Variants in RBKS observed in about 807,000 individuals in gnomAD.
RBKS encodes the protein ribokinase.
RBKS carries 33 observed loss-of-function variants against 33.9 expected under a neutral mutation model. The observed-to-expected ratio is 0.97, with a 90% CI of 0.74 to 1.30. The LOEUF (loss-of-function observed/expected upper bound fraction) is 1.30. Ranked by LOEUF, RBKS falls within the 50% of genes most tolerant of loss-of-function variation. RBKS has a pLI of 0.00. For missense variants in RBKS, 361 were observed against 392.6 expected, an observed-to-expected ratio of 0.92 and a Z score of 0.68; for synonymous variants, 125 against 143.0, an observed-to-expected ratio of 0.87 and a Z score of 0.90.
At chr2:27,863,826 A>C (rs913191163) in intron 1 of RBKS, among the ~76,000 whole-genome samples, 1 of 152,228 alleles carries the variant, frequency 6.6e-6, no homozygotes, top group African/African-American at 2.4e-5. Flanking sequence ...CAGCATTTGT[A>C]TATGCCACAT....
intron 2 of RBKS, 55 bp downstream of exon 2, chr2:27,858,384 G>A: frequency 6.5e-7 from 1 of 1,527,680 alleles, no homozygotes; most frequent in South Asian, 1.3e-5. Flanking sequence ...ATGAACTCCA[G>A]TCTTAAAACC....
At chr2:27,834,895 A>G (rs576969428) in intron 5 of RBKS, among the ~76,000 whole-genome samples, 1 of 152,360 alleles carries the variant, frequency 6.6e-6, no homozygotes, top group Admixed American at 6.5e-5. Flanking sequence ...ATAAGCATGC[A>G]AAGATGATAT....
At chr2:27,781,991 ATAT>A (rs1199221250) in intron 7 of RBKS, among the ~76,000 whole-genome samples, 1 of 152,200 alleles carries the variant, frequency 6.6e-6, no homozygotes, top group Non-Finnish European at 1.5e-5. Context: ...AAGAAATAAT[ATAT>A]TATTAAGTGA....
intron 2 of RBKS, among the ~76,000 whole-genome samples, chr2:27,849,257 T>A (rs1020821975): frequency 1.3e-5 from 2 of 151,994 alleles, no homozygotes; most frequent in Non-Finnish European, 1.5e-5. Flanking sequence ...TTGTCTGTTA[T>A]TAACAAAGTC....
At chr2:27,840,364 G>GCACACACA (rs70953891) in intron 5 of RBKS, among the ~76,000 whole-genome samples, 13 of 130,152 alleles carry the variant, frequency 1.0e-4, no homozygotes, top group East Asian at 2.3e-4. Context: ...ACGCGCGCGC[G>GCACACACA]CACACACACA....
At chr2:27,856,477 C>T (rs4233719) in intron 2 of RBKS, among the ~76,000 whole-genome samples, 1 of 151,992 alleles carries the variant, frequency 6.6e-6, no homozygotes, top group Non-Finnish European at 1.5e-5. Flanking sequence ...TCATTTCCCA[C>T]GTTCAGTTCC....
At chr2:27,886,478 A>G (rs1463879731) in intron 1 of RBKS, among the ~76,000 whole-genome samples, 2 of 152,222 alleles carry the variant, frequency 1.3e-5, no homozygotes, top group Non-Finnish European at 2.9e-5. Context: ...ATCAGTTTAT[A>G]AAGTTAACAA....
intron 1 of RBKS, among the ~76,000 whole-genome samples, chr2:27,874,271 A>ACT (rs1167656153): frequency 6.6e-6 from 1 of 152,242 alleles, no homozygotes; most frequent in African/African-American, 2.4e-5. Context: ...TTTTTATGAT[A>ACT]CTCAGTCCAT....
At chr2:27,812,897 A>C (rs1324942748) in intron 7 of RBKS, among the ~76,000 whole-genome samples, 1 of 152,170 alleles carries the variant, frequency 6.6e-6, no homozygotes, top group Admixed American at 6.6e-5. Context: ...CTTAGAAAAA[A>C]AAAAGGGTTA....
At chr2:27,859,329 T>C (rs1400153610) in intron 1 of RBKS, among the ~76,000 whole-genome samples, 3 of 152,236 alleles carry the variant, frequency 2.0e-5, no homozygotes, top group African/African-American at 7.2e-5. Context: ...CCAGATTTAA[T>C]AATTTAATAC....
At chr2:27,840,327 T>TACACACACAC (rs544313433) in intron 5 of RBKS, among the ~76,000 whole-genome samples, 2,999 of 117,814 alleles carry the variant, frequency 0.025, 100 homozygotes, top group African/African-American at 0.059. Context: ...GATGATGCAT[T>TACACACACAC]ACACACACAC....
At chr2:27,865,904 AC>A (rs1330326639) in intron 1 of RBKS, among the ~76,000 whole-genome samples, 2 of 152,162 alleles carry the variant, frequency 1.3e-5, no homozygotes, top group Non-Finnish European at 2.9e-5. Flanking sequence ...CATGATGTAA[AC>A]GTCACAATAC....
chr2:27,783,950 A>T (rs1573028698), intron 7 of RBKS, among the ~76,000 whole-genome samples: 2 of 125,400 alleles, frequency 1.6e-5, no homozygotes, highest in Non-Finnish European at 1.7e-5. Flanking sequence ...CCATTCTTGT[A>T]TTCAACAGCT....
intron 7 of RBKS, among the ~76,000 whole-genome samples, chr2:27,816,363 T>C (rs1245149833): frequency 6.6e-6 from 1 of 152,254 alleles, no homozygotes; most frequent in Non-Finnish European, 1.5e-5. Context: ...GCAATTACCT[T>C]GTCCTCTGTC....
At chr2:27,882,233 AC>A (rs751782769) in intron 1 of RBKS, among the ~76,000 whole-genome samples, 6 of 152,226 alleles carry the variant, frequency 3.9e-5, no homozygotes, top group East Asian at 1.9e-4. Context: ...AGAAAAAAAA[AC>A]AACCCCATTA....
chr2:27,864,032 C>CTT (rs75297605), intron 1 of RBKS, among the ~76,000 whole-genome samples: 1 of 149,262 alleles, frequency 6.7e-6, no homozygotes, highest in African/African-American at 2.5e-5. Flanking sequence ...TAACCCATAT[C>CTT]TTTTTTTTTT....
chr2:27,836,102 C>T (rs967778324), intron 5 of RBKS, among the ~76,000 whole-genome samples: 5 of 152,080 alleles, frequency 3.3e-5, no homozygotes, highest in Non-Finnish European at 5.9e-5. Flanking sequence ...TTAGTCCCAG[C>T]TACTTGGGAG....
rs1322244985 is a variant in RBKS at position 27,810,763 on chromosome 2, A to G, written c.795+16804T>C. ...CCCACTTCTCAGCATCCCCATTTCC[A>G]CTTCCCTAGTCCAGGCTGCCACCAT... On this transcript the variant is annotated intron_variant, in intron 7 of 7. Coordinates refer to ENST00000302188, the MANE Select transcript of RBKS (RefSeq NM_022128.3). The surrounding 1 kb of genome is among the most constrained non-coding windows in gnomAD (Gnocchi z 4.4). Among the ~76,000 whole-genome samples the G allele has an allele frequency of 2.0e-5, 3 of 151,942 alleles. No individual in the cohort carries two copies. Among genetic ancestry groups the G allele is most frequent in the African/African-American group, 7.3e-5 (3 of 41,334 alleles).
chr2:27,787,494 A>G (rs114976596), intron 7 of RBKS, among the ~76,000 whole-genome samples: 5,612 of 152,262 alleles, frequency 0.037, 147 homozygotes, highest in Admixed American at 0.051. Context: ...TCCTGGGCTC[A>G]AGGGATCCTC....
Sources: allele counts gnomAD v4.1 joint callset (sites outside exome capture counted in the v4.1 genomes callset), GRCh38; gene constraint gnomAD v4.1.1; non-coding constraint Gnocchi (gnomAD v3.1); transcripts MANE v1.5; gene names NCBI Gene and HGNC (gene_info 2026-07-23, HGNC 2026-07-21).